DCLK2: variants seen among roughly 807,000 people sequenced by gnomAD.
The protein encoded by DCLK2 is doublecortin like kinase 2.
DCLK2 carries 31 observed loss-of-function variants against 78.4 expected under a neutral mutation model. The observed-to-expected ratio is 0.40, with a 90% confidence interval of 0.30 to 0.53. DCLK2 has a LOEUF of 0.53. DCLK2 is among the 20% of genes least tolerant of loss of function. The pLI is 0.61. For synonymous variants in DCLK2, 407 were observed against 374.9 expected, an observed-to-expected ratio of 1.09 and a Z score of -0.99; for missense variants, 872 against 973.7, an observed-to-expected ratio of 0.90 and a Z score of 1.39.
intron 5 of DCLK2, among the ~76,000 whole-genome samples, chr4:150,212,724 C>G (rs1017762067): frequency 3.3e-5 from 5 of 152,184 alleles, no homozygotes; most frequent in African/African-American, 4.8e-5. Context: ...GCCTATCTTT[C>G]TGAGGATGCA....
At position 150,210,437 on chromosome 4, in the gene DCLK2, A is replaced by C. The variant is rs145070811; in HGVS notation, c.1056+6548A>C. ...TTTCTATCACCAACTTTTCCTCTCA[A>C]CTCTCCCTTCACCTCTGCTTTCCTG... is the stretch of plus-strand genomic sequence containing the variant. On this transcript the variant is annotated intron_variant, in intron 5 of 15. Transcript: ENST00000296550. Among the ~76,000 whole-genome samples the C allele has an allele frequency of 2.1e-4, 32 of 151,918 alleles. No individual in the cohort carries two copies. In the East Asian group the frequency reaches 4.8e-3, roughly 23 times the overall value.
chr4:150,254,059 C>A (rs921189197), intron 15 of DCLK2, among the ~76,000 whole-genome samples: 1 of 152,164 alleles, frequency 6.6e-6, no homozygotes, highest in African/African-American at 2.4e-5. Flanking sequence ...CCTTAGCATG[C>A]GTAAGAAAGG....
intron 2 of DCLK2, among the ~76,000 whole-genome samples, chr4:150,181,475 T>G (rs1560841558): frequency 6.6e-6 from 1 of 152,232 alleles, no homozygotes; most frequent in Non-Finnish European, 1.5e-5. Context: ...TATCTCTGAA[T>G]TCTTTAAAAC....
At chr4:150,158,946 G>A (rs973480567) in intron 2 of DCLK2, among the ~76,000 whole-genome samples, 20 of 152,116 alleles carry the variant, frequency 1.3e-4, no homozygotes, top group South Asian at 2.1e-4. Flanking sequence ...AGGGCTTACT[G>A]GAAGAATCAT....
chr4:150,221,671 T>G lies in DCLK2; in HGVS notation c.1133-6T>G, dbSNP rs1741198902. The G allele has an allele frequency of 8.2e-6, 13 of 1,582,338 alleles. No individual in the cohort carries two copies. The highest frequency in any genetic ancestry group is 1.1e-5 in the Non-Finnish European group (13 of 1,165,346). ...TCTTTAGAATTTGCATTTATCCTTTTTGCAGGTGTGAATGGAAACAGATGC... is the reference window on the plus strand; with the variant it reads ...TCTTTAGAATTTGCATTTATCCTTTGTGCAGGTGTGAATGGAAACAGATGC... On this transcript the variant is annotated splice_polypyrimidine_tract_variant and splice_region_variant and intron_variant, in intron 6 of 15. Transcript: ENST00000296550.
At chr4:150,116,955 G>A (rs2150175703) in intron 2 of DCLK2, among the ~76,000 whole-genome samples, 1 of 152,304 alleles carries the variant, frequency 6.6e-6, no homozygotes, top group African/African-American at 2.4e-5. Context: ...TTTGCCATAT[G>A]TTATCCAGGG....
At chr4:150,247,826 T>G in intron 13 of DCLK2, 127 bp downstream of exon 13, 1 of 700,014 alleles carries the variant, frequency 1.4e-6, no homozygotes, top group Non-Finnish European at 2.3e-6. Context: ...TGGTTCTTCT[T>G]TTAAGTTTAT....
intron 5 of DCLK2, among the ~76,000 whole-genome samples, chr4:150,206,434 A>G (rs1739847152): frequency 6.6e-6 from 1 of 152,164 alleles, no homozygotes; most frequent in East Asian, 1.9e-4. Context: ...AAGATTGAAC[A>G]TAAGATTATA....
chr4:150,189,299 T>C (rs1389201743), intron 2 of DCLK2, among the ~76,000 whole-genome samples: 1 of 152,034 alleles, frequency 6.6e-6, no homozygotes, highest in Non-Finnish European at 1.5e-5. Flanking sequence ...AATATATGGA[T>C]GTGAAAAATA....
At chr4:150,236,141 A>T (rs975151832) in intron 10 of DCLK2, among the ~76,000 whole-genome samples, 1 of 152,124 alleles carries the variant, frequency 6.6e-6, no homozygotes, top group Non-Finnish European at 1.5e-5. Context: ...CATTCCTCGC[A>T]TTTTTTATTT....
chr4:150,201,777 G>C (rs1015891495), intron 4 of DCLK2, among the ~76,000 whole-genome samples: 3 of 150,482 alleles, frequency 2.0e-5, no homozygotes, highest in Non-Finnish European at 4.4e-5. Flanking sequence ...GATCTGTGCA[G>C]ATTGCTGTGT....
At chr4:150,223,958 T>C (rs922856651) in intron 7 of DCLK2, among the ~76,000 whole-genome samples, 3 of 151,562 alleles carry the variant, frequency 2.0e-5, no homozygotes, top group African/African-American at 4.9e-5. Flanking sequence ...AATGTAAAAA[T>C]ATATTGATAA....
chr4:150,196,301 C>T (rs1375361166), intron 3 of DCLK2, among the ~76,000 whole-genome samples: 2 of 152,156 alleles, frequency 1.3e-5, no homozygotes, highest in Non-Finnish European at 2.9e-5. Flanking sequence ...ATTTACATAT[C>T]CTGCTCATAT....
intron 5 of DCLK2, among the ~76,000 whole-genome samples, chr4:150,212,373 CT>C (rs1440367440): frequency 6.6e-6 from 1 of 152,198 alleles, no homozygotes; most frequent in Non-Finnish European, 1.5e-5. Flanking sequence ...TTGAACACTT[CT>C]TTTCGAAGCT....
intron 2 of DCLK2, among the ~76,000 whole-genome samples, chr4:150,137,862 C>T (rs1333356763): frequency 6.6e-6 from 1 of 152,154 alleles, no homozygotes; most frequent in Non-Finnish European, 1.5e-5. Flanking sequence ...CTTAAAATCC[C>T]ACTCCATAAC....
At chr4:150,254,513 G>C in intron 15 of DCLK2, 1 of 398,764 alleles carries the variant, frequency 2.5e-6, no homozygotes, top group Non-Finnish European at 4.4e-6. Context: ...GAGAAAAGGA[G>C]AAATAACGGG....
chr4:150,140,048 CAT>C (rs1332720266), intron 2 of DCLK2, among the ~76,000 whole-genome samples: 6 of 151,966 alleles, frequency 3.9e-5, no homozygotes, highest in Non-Finnish European at 5.9e-5. Context: ...TTCAAAATGA[CAT>C]AAAAATTTTT....
intron 5 of DCLK2, among the ~76,000 whole-genome samples, chr4:150,213,161 G>T (rs1057125964): frequency 3.3e-5 from 5 of 152,192 alleles, no homozygotes; most frequent in Admixed American, 6.5e-5. Flanking sequence ...AGTCACCTGT[G>T]GTGGTTTCTG....
Position 150,089,894 on chromosome 4 carries a change from G to A in DCLK2, c.421+10446G>A, listed in dbSNP as rs115109282. Among the ~76,000 whole-genome samples the A allele has an allele frequency of 1.9e-3, 283 of 152,274 alleles. 3 individuals carry two copies. Among genetic ancestry groups the A allele is most frequent in the African/African-American group, 6.5e-3 (269 of 41,556 alleles). ...GAATGCCGTGTAATGAGTCAGTTTT[G>A]CACAGCTAATGAGTATTCCTGTAGA... On this transcript the variant is annotated intron_variant, in intron 1 of 15. Transcript: ENST00000296550.
Sources: allele counts gnomAD v4.1 joint callset (sites outside exome capture counted in the v4.1 genomes callset), GRCh38; gene constraint gnomAD v4.1.1; transcripts MANE v1.5; gene names NCBI Gene and HGNC (gene_info 2026-07-23, HGNC 2026-07-21).